PFKP: variants seen among roughly 807,000 people sequenced by gnomAD.
PFKP encodes phosphofructokinase, platelet, also known as ATP-dependent 6-phosphofructokinase, platelet type.
In PFKP, 101 loss-of-function variants were observed where a neutral mutation model predicts 94.3. That is an observed-to-expected ratio of 1.07 (90% CI 0.91 to 1.26). The LOEUF (loss-of-function observed/expected upper bound fraction) is 1.26, where lower values mean the gene tolerates loss of function less well. Ranked by LOEUF, PFKP falls within the 50% of genes most tolerant of loss-of-function variation. PFKP has a pLI of 0.00. For synonymous variants in PFKP, 573 were observed against 432.6 expected (o/e 1.32, Z -4.03); for missense variants, 1,145 against 1,103.3 (o/e 1.04, Z -0.53).
At chr10:3,125,173 C>T (rs1415305172) in intron 16 of PFKP, 18 of 1,349,522 alleles carry the variant, frequency 1.3e-5, no homozygotes, top group Non-Finnish European at 1.7e-5. Flanking sequence ...TGTGTGGTGC[C>T]GGCCACGATT....
rs113515846 is a variant in PFKP, at chr10:3,128,680, C to T, written c.1684-1139C>T. Reference sequence around the variant, plus strand: ...GGTGTGCAGCATCCCGCTCCAGGGCCTTCAGCCTCTGCGCCCCTCATCTGC... The same window carrying T: ...GGTGTGCAGCATCCCGCTCCAGGGCTTTCAGCCTCTGCGCCCCTCATCTGC... On this transcript the variant is annotated intron_variant, in intron 16 of 21. Coordinates refer to ENST00000381125, the MANE Select transcript of PFKP (RefSeq NM_002627.5). Among the ~76,000 whole-genome samples, 21 of 152,378 alleles carry T rather than the reference C, an allele frequency of 1.4e-4. 3 individuals carry two copies. The highest frequency in any genetic ancestry group is 5.0e-4 in the African/African-American group (21 of 41,600).
chr10:3,108,047 A>G (rs1835809757), intron 8 of PFKP: 1 of 1,277,422 alleles, frequency 7.8e-7, no homozygotes, highest in African/African-American at 1.5e-5. Context: ...GAAAACAGTG[A>G]TGGACACCTG....
rs759215914 is a variant in PFKP at position 3,132,395 on chromosome 10, C to T, written c.1864C>T (p.Leu622=). 9 of 1,611,874 alleles carry T rather than the reference C, an allele frequency of 5.6e-6. No homozygotes were observed. The South Asian group carries it at 9.9e-5, about 18-fold the overall frequency. ...IRDLQSNVEH[L]TEKMKTTIQR... The stretch of plus-strand genomic sequence containing the variant: ...TCTCTTCCAGTCCAACGTGGAGCAC[C>T]TGACGGAGAAAATGAAGACCACCAT... Residue 622 remains leucine, a synonymous_variant, in exon 18 of 22, where the codon CTG becomes TTG. Transcript: ENST00000381125.
chr10:3,130,321 C>CT (rs1838434625), intron 17 of PFKP, among the ~76,000 whole-genome samples: 1 of 152,222 alleles, frequency 6.6e-6, no homozygotes, highest in Non-Finnish European at 1.5e-5. Flanking sequence ...GCGACAGGCT[C>CT]TGAAGGTTGC....
At chr10:3,071,962 C>G (rs552532346) in intron 1 of PFKP, among the ~76,000 whole-genome samples, 1 of 152,188 alleles carries the variant, frequency 6.6e-6, no homozygotes, top group South Asian at 2.1e-4. Context: ...GTGGTGGGGC[C>G]GGGCCCTGTG....
At chr10:3,074,836 C>A (rs577136025) in intron 1 of PFKP, among the ~76,000 whole-genome samples, 1 of 152,240 alleles carries the variant, frequency 6.6e-6, no homozygotes, top group African/African-American at 2.4e-5. Context: ...CCAGCTCAGT[C>A]GGGGAGACCG....
At chr10:3,132,816 C>T (rs1305574844) in intron 18 of PFKP, among the ~76,000 whole-genome samples, 1 of 152,092 alleles carries the variant, frequency 6.6e-6, no homozygotes, top group East Asian at 1.9e-4. Context: ...AGGTTGCTTC[C>T]ATCTGATAAC....
chr10:3,129,988 G>C lies in PFKP; in HGVS notation c.1848+5G>C, dbSNP rs370985029. Reference sequence around the variant, plus strand: ...TTCGACATCAGGGATCTGCAGGTATGTGACGGGGCTGGCCTCAGGGCCCGT... The same window carrying C: ...TTCGACATCAGGGATCTGCAGGTATCTGACGGGGCTGGCCTCAGGGCCCGT... On this transcript the variant is annotated splice_donor_5th_base_variant and intron_variant, in intron 17 of 21. Transcript: ENST00000381125. 4 of 1,567,626 alleles carry C rather than the reference G, an allele frequency of 2.6e-6. No homozygotes were observed. In the African/African-American group the frequency reaches 5.4e-5, roughly 21 times the overall value.
chr10:3,105,310 G>C (rs372199384), intron 6 of PFKP, 83 bp from the exon 7 acceptor site: 3 of 1,328,426 alleles, frequency 2.3e-6, no homozygotes, highest in Non-Finnish European at 3.3e-6. Context: ...AGGTCTGCAC[G>C]TCTGTCGCTG....
intron 4 of PFKP, among the ~76,000 whole-genome samples, chr10:3,103,333 C>T (rs557690230): frequency 3.3e-5 from 5 of 152,168 alleles, no homozygotes; most frequent in South Asian, 4.1e-4. Flanking sequence ...ATGCAGAATC[C>T]GGTTGCCTTG....
intron 2 of PFKP, among the ~76,000 whole-genome samples, chr10:3,093,914 A>G (rs1370281333): frequency 6.6e-6 from 1 of 152,172 alleles, no homozygotes; most frequent in Non-Finnish European, 1.5e-5. Flanking sequence ...AAGTGCTGGG[A>G]TTACAGGCGT....
intron 2 of PFKP, among the ~76,000 whole-genome samples, chr10:3,096,148 A>G (rs938335514): frequency 2.0e-5 from 3 of 152,158 alleles, no homozygotes; most frequent in African/African-American, 7.2e-5. Flanking sequence ...GGGAAAGGAA[A>G]TTGTATGGTT....
chr10:3,135,701 A>G (rs756361322), intron 20 of PFKP, 35 bp from the exon 21 acceptor site: 3 of 1,293,272 alleles, frequency 2.3e-6, no homozygotes, highest in African/African-American at 2.9e-5. Flanking sequence ...CCATGTTGAC[A>G]GGGTGTTATT....
At chr10:3,111,763 C>T (rs1486381523) in intron 10 of PFKP, among the ~76,000 whole-genome samples, 5 of 152,146 alleles carry the variant, frequency 3.3e-5, no homozygotes, top group Non-Finnish European at 7.4e-5. Context: ...CATCCGGGCC[C>T]CTCTGCTCCC....
At chr10:3,071,987 G>A (rs572816085) in intron 1 of PFKP, among the ~76,000 whole-genome samples, 29 of 152,362 alleles carry the variant, frequency 1.9e-4, no homozygotes, top group Admixed American at 5.9e-4. Context: ...CAGCAGGGAT[G>A]TTCAGGGCTG....
intron 13 of PFKP, among the ~76,000 whole-genome samples, chr10:3,115,419 CCGCCA>C (rs879769882): frequency 0.42 from 46,696 of 109,914 alleles, 18,655 homozygotes; most frequent in East Asian, 0.77. Flanking sequence ...GGTGTGTGTC[CCGCCA>C]TGGAGGACAG....
At chr10:3,131,390 T>C (rs1838573054) in intron 17 of PFKP, among the ~76,000 whole-genome samples, 1 of 152,166 alleles carries the variant, frequency 6.6e-6, no homozygotes, top group Non-Finnish European at 1.5e-5. Flanking sequence ...CAGAAATCTA[T>C]CCAAAGATCC....
intron 7 of PFKP, 108 bp from the exon 8 acceptor site, chr10:3,107,106 G>A (rs1044837867): frequency 5.8e-6 from 4 of 688,318 alleles, no homozygotes; most frequent in Non-Finnish European, 2.6e-6. Flanking sequence ...AAAGATTCCT[G>A]CCCAGAAAGA....
rs1432773328 is a variant in PFKP, at chr10:3,136,764, T to C, written c.*185T>C. 3.7e-6 allele frequency: 2 copies of C among 541,622 alleles called. No individual in the cohort carries two copies. The highest frequency in any genetic ancestry group is 6.4e-6 in the Non-Finnish European group (2 of 310,976). The allele number at this position is 541,622 out of a possible 1,614,324, so 33.6% of individuals were successfully genotyped here. On this transcript the variant is annotated 3_prime_UTR_variant, in exon 22 of 22. Transcript: ENST00000381125. ...TGTGTCTCATGCTTTCAGATGTGCA[T>C]ATGAGCAGAATTAATTAAACATTTG...
Sources: allele counts gnomAD v4.1 joint callset (sites outside exome capture counted in the v4.1 genomes callset), GRCh38; gene constraint gnomAD v4.1.1; transcripts MANE v1.5; gene names NCBI Gene and HGNC (gene_info 2026-07-23, HGNC 2026-07-21).